TEX14: variants seen among roughly 807,000 people sequenced by gnomAD.
TEX14 encodes testis expressed 14, intercellular bridge forming factor.
In TEX14, 168 loss-of-function variants were observed where a neutral mutation model predicts 178.6. That is an observed-to-expected ratio of 0.94 (90% CI 0.83 to 1.07). TEX14 has a LOEUF of 1.07. Among genes scored for constraint, TEX14 ranks in the 50% least tolerant of loss-of-function variants. The pLI, the probability that TEX14 is intolerant of heterozygous loss-of-function variation, is 0.00. For missense variants in TEX14, 1,730 were observed against 1,753.6 expected (o/e 0.99, Z 0.24); for synonymous variants, 626 against 634.1 (o/e 0.99, Z 0.19).
chr17:58,665,576 A>G (rs2047189293), intron 1 of TEX14, among the ~76,000 whole-genome samples: 1 of 151,756 alleles, frequency 6.6e-6, no homozygotes, highest in Non-Finnish European at 1.5e-5. Flanking sequence ...AGCCTAGGCA[A>G]CAGGGTGAGA....
At chr17:58,658,563 T>A (rs58039487) in intron 1 of TEX14, among the ~76,000 whole-genome samples, 1 of 144,502 alleles carries the variant, frequency 6.9e-6, no homozygotes, top group South Asian at 2.2e-4. Flanking sequence ...CTAATTTTTT[T>A]GTATTTTAGT....
intron 1 of TEX14, chr17:58,659,378 A>G (rs1424008512): frequency 1.0e-6 from 1 of 972,150 alleles, no homozygotes; most frequent in Non-Finnish European, 1.2e-6. Context: ...TTGTATTATG[A>G]GTTGTTTTTA....
intron 23 of TEX14, 35 bp from the exon 24 acceptor site, chr17:58,572,161 C>T (rs2044547308): frequency 6.8e-7 from 1 of 1,470,108 alleles, no homozygotes; most frequent in Admixed American, 2.0e-5. Flanking sequence ...CTGTCTGAAT[C>T]CTTTATATTA....
intron 1 of TEX14, among the ~76,000 whole-genome samples, chr17:58,654,789 G>A (rs2046915239): frequency 6.6e-6 from 1 of 151,930 alleles, no homozygotes; most frequent in East Asian, 1.9e-4. Flanking sequence ...TTACAGAAGT[G>A]AGCCACCGCA....
At chr17:58,592,125 CCTAA>C (rs569933705) in intron 15 of TEX14, among the ~76,000 whole-genome samples, 2 of 150,904 alleles carry the variant, frequency 1.3e-5, no homozygotes, top group African/African-American at 4.9e-5. Flanking sequence ...ACTTATAATA[CCTAA>C]CTAAATTTAA....
chr17:58,573,811 A>C (rs998055543), intron 22 of TEX14, among the ~76,000 whole-genome samples: 1 of 152,242 alleles, frequency 6.6e-6, no homozygotes, highest in African/African-American at 2.4e-5. Flanking sequence ...GAGCCACCAC[A>C]CCTGGCACCA....
intron 1 of TEX14, chr17:58,660,585 T>A (rs765009055): frequency 1.3e-6 from 1 of 795,564 alleles, no homozygotes; most frequent in Admixed American, 1.7e-5. Flanking sequence ...GATTAGCCCA[T>A]GTTCTGTCGG....
intron 2 of TEX14, among the ~76,000 whole-genome samples, chr17:58,636,046 G>C (rs1347988029): frequency 1.3e-5 from 2 of 152,132 alleles, no homozygotes; most frequent in African/African-American, 2.4e-5. Context: ...CGTCCCAAGG[G>C]CTTCTCTAAG....
At chr17:58,574,630 C>T (rs1355274108) in intron 21 of TEX14, among the ~76,000 whole-genome samples, 2 of 142,394 alleles carry the variant, frequency 1.4e-5, no homozygotes, top group East Asian at 2.2e-4. Flanking sequence ...GCTGAGATCG[C>T]GCCATTGCAC....
rs112117460 is a variant in TEX14 at position 58,603,277 on chromosome 17, G to A, written c.1337-687C>T. Among the ~76,000 whole-genome samples the A allele has an allele frequency of 9.4e-3, 1,420 of 151,474 alleles. 25 individuals carry two copies. Among genetic ancestry groups the A allele is most frequent in the African/African-American group, 0.032 (1,308 of 41,314 alleles). ...CACCATAAAAAAGCAGCCCTTGGCC[G>A]GGCGTGGTGGCTCACGCCTGTAATC... On this transcript the variant is annotated intron_variant, in intron 11 of 31. Transcript: ENST00000349033.
At chr17:58,659,257 A>C (rs2047051972) in intron 1 of TEX14, 79 of 780,950 alleles carry the variant, frequency 1.0e-4, no homozygotes, top group Non-Finnish European at 1.2e-4. Context: ...TCCCCCAAGA[A>C]AAACACTTTA....
At chr17:58,572,648 A>T (rs1413907130) in intron 23 of TEX14, among the ~76,000 whole-genome samples, 1 of 151,994 alleles carries the variant, frequency 6.6e-6, no homozygotes, top group Non-Finnish European at 1.5e-5. Flanking sequence ...AAAAAAAAAA[A>T]AAAATTACTG....
chr17:58,573,425 C>A, intron 22 of TEX14, 117 bp from the exon 23 acceptor site: 1 of 877,668 alleles, frequency 1.1e-6, no homozygotes, highest in Non-Finnish European at 1.8e-6. Context: ...TGGCAATAGG[C>A]CAGAATTAGA....
At chr17:58,629,913 T>C (rs143292705) in intron 3 of TEX14, among the ~76,000 whole-genome samples, 32,130 of 146,786 alleles carry the variant, frequency 0.22, 4,818 homozygotes, top group Middle Eastern at 0.41. Flanking sequence ...TGTTTTTTTT[T>C]TTTCCTTTTT....
intron 1 of TEX14, chr17:58,660,475 T>G: frequency 1.6e-6 from 1 of 606,292 alleles, no homozygotes; most frequent in Non-Finnish European, 3.0e-6. Flanking sequence ...ATCTTTGCCT[T>G]CGTTTTACAC....
intron 1 of TEX14, among the ~76,000 whole-genome samples, chr17:58,663,624 G>T (rs541425831): frequency 6.6e-6 from 1 of 151,790 alleles, no homozygotes; most frequent in Non-Finnish European, 1.5e-5. Context: ...GCACCACCAC[G>T]CCTGGCTAAT....
chr17:58,648,547 C>A (rs1380510848), intron 2 of TEX14, among the ~76,000 whole-genome samples: 1 of 152,168 alleles, frequency 6.6e-6, no homozygotes, highest in Non-Finnish European at 1.5e-5. Flanking sequence ...AGACAGATAG[C>A]AGTCTTCTTG....
At chr17:58,595,473 T>G (rs2045257594) in intron 14 of TEX14, among the ~76,000 whole-genome samples, 1 of 152,184 alleles carries the variant, frequency 6.6e-6, no homozygotes, top group Non-Finnish European at 1.5e-5. Flanking sequence ...ATTTCTTCGA[T>G]CAACAGAAAG....
chr17:58,674,914 G>C (rs554440816), intron 1 of TEX14, among the ~76,000 whole-genome samples: 22 of 151,620 alleles, frequency 1.5e-4, no homozygotes, highest in Non-Finnish European at 1.2e-4. Context: ...GGAGGCTGAG[G>C]GGGGGTGCAT....
Sources: allele counts gnomAD v4.1 joint callset (sites outside exome capture counted in the v4.1 genomes callset), GRCh38; gene constraint gnomAD v4.1.1; transcripts MANE v1.5; gene names NCBI Gene and HGNC (gene_info 2026-07-23, HGNC 2026-07-21).